Variants in HHAT observed in about 807,000 individuals in gnomAD.
HHAT encodes protein-cysteine N-palmitoyltransferase HHAT.
Under a neutral mutation model 70.8 loss-of-function variants are expected in HHAT, and 47 were observed. The observed-to-expected ratio is 0.66, with a 90% CI of 0.53 to 0.85. HHAT has a LOEUF of 0.85. Among genes scored for constraint, HHAT ranks in the 40% least tolerant of loss-of-function variants. The pLI is 0.00. For missense variants in HHAT, 609 were observed against 604.8 expected, an observed-to-expected ratio of 1.01 and a Z score of -0.07; for synonymous variants, 228 against 247.6, an observed-to-expected ratio of 0.92 and a Z score of 0.74.
At chr1:210,529,589 A>G (rs1025841134) in intron 9 of HHAT, among the ~76,000 whole-genome samples, 9 of 152,304 alleles carry the variant, frequency 5.9e-5, no homozygotes, top group African/African-American at 1.9e-4. Flanking sequence ...CCTTGCAGCT[A>G]CTACCCCAGT....
At chr1:210,672,180 C>G (rs1680221776) in intron 11 of HHAT, among the ~76,000 whole-genome samples, 1 of 152,194 alleles carries the variant, frequency 6.6e-6, no homozygotes, top group African/African-American at 2.4e-5. Flanking sequence ...AGTGGCAGAG[C>G]CAGAATTTGA....
chr1:210,532,571 C>T (rs1573087373), intron 9 of HHAT, among the ~76,000 whole-genome samples: 1 of 152,190 alleles, frequency 6.6e-6, no homozygotes, highest in East Asian at 1.9e-4. Flanking sequence ...TTGACTAAAG[C>T]AGGCAAATTC....
intron 7 of HHAT, among the ~76,000 whole-genome samples, chr1:210,456,478 G>C (rs1053213830): frequency 8.5e-5 from 13 of 152,202 alleles, no homozygotes; most frequent in Non-Finnish European, 1.3e-4. Context: ...TACCGGATGT[G>C]CATGGCCTTG....
At chr1:210,448,434 A>T (rs547581159) in intron 7 of HHAT, among the ~76,000 whole-genome samples, 1 of 152,314 alleles carries the variant, frequency 6.6e-6, no homozygotes, top group African/African-American at 2.4e-5. Flanking sequence ...ATGAGGGTTT[A>T]TCAGTCTTAG....
intron 6 of HHAT, 114 bp from the exon 7 acceptor site, chr1:210,418,040 C>G (rs1211527975): frequency 2.0e-6 from 2 of 986,720 alleles, no homozygotes; most frequent in African/African-American, 3.2e-5. Context: ...CAAACCAACC[C>G]TCTGTCAGCT....
chr1:210,547,635 C>T (rs987280180), intron 9 of HHAT, among the ~76,000 whole-genome samples: 4 of 152,126 alleles, frequency 2.6e-5, no homozygotes, highest in African/African-American at 7.2e-5. Context: ...TATTGGACAC[C>T]ATTTTGTGCA....
At chr1:210,563,200 T>C (rs2095640265) in intron 9 of HHAT, among the ~76,000 whole-genome samples, 2 of 152,148 alleles carry the variant, frequency 1.3e-5, no homozygotes, top group Non-Finnish European at 2.9e-5. Flanking sequence ...GTACTGGGCA[T>C]GTGGGATATA....
chr1:210,448,036 C>A (rs1359760566), intron 7 of HHAT, among the ~76,000 whole-genome samples: 1 of 151,408 alleles, frequency 6.6e-6, no homozygotes, highest in Non-Finnish European at 1.5e-5. Context: ...TTTCCATCTG[C>A]AATGTGGTGA....
intron 9 of HHAT, among the ~76,000 whole-genome samples, chr1:210,557,347 C>T (rs1221942599): frequency 6.6e-6 from 1 of 152,218 alleles, no homozygotes; most frequent in African/African-American, 2.4e-5. Flanking sequence ...CCAATCCCCT[C>T]CACTGCTTTC....
chr1:210,445,535 C>T (rs1279940032), intron 7 of HHAT, among the ~76,000 whole-genome samples: 1 of 152,040 alleles, frequency 6.6e-6, no homozygotes, highest in Non-Finnish European at 1.5e-5. Flanking sequence ...TAAAATTTTG[C>T]CTCATTATAA....
At position 210,674,451 on chromosome 1, in the gene HHAT, C is replaced by T; in HGVS notation, c.*72C>T. The T allele has an allele frequency of 8.6e-7, 1 of 1,164,588 alleles. No individual in the cohort carries two copies. Among genetic ancestry groups the T allele is most frequent in the Non-Finnish European group, 1.3e-6 (1 of 783,778 alleles). The allele number at this position is 1,164,588 out of a possible 1,614,324, so 72.1% of individuals were successfully genotyped here. On this transcript the variant is annotated 3_prime_UTR_variant, in exon 12 of 12. Transcript: ENST00000261458. The stretch of plus-strand genomic sequence containing the variant: ...TAGTGCTTCACCCTGACCTCTCACT[C>T]CAGGACAGCCTCTAAGGGATTTGAT...
chr1:210,414,649 A>C (rs1415583726), intron 6 of HHAT, among the ~76,000 whole-genome samples: 5 of 152,164 alleles, frequency 3.3e-5, no homozygotes, highest in Admixed American at 1.3e-4. Context: ...TCTTGAGTAC[A>C]TTTGCCTCTC....
Position 210,375,011 on chromosome 1 carries a change from A to G in HHAT, c.159+12092A>G, listed in dbSNP as rs906761458. ...CCTGATGGTTAGCTCCCCAGTGGGGAATCTTCCATAGTGAACTCAAACCCA... is the reference window on the plus strand; with the variant it reads ...CCTGATGGTTAGCTCCCCAGTGGGGGATCTTCCATAGTGAACTCAAACCCA... On this transcript the variant is annotated intron_variant, in intron 3 of 11. Coordinates refer to ENST00000261458, the MANE Select transcript of HHAT (RefSeq NM_018194.6). 2.6e-5 allele frequency among the ~76,000 whole-genome samples: 4 copies of G among 152,332 alleles called. No homozygotes were observed. The East Asian group carries it at 7.7e-4, about 29-fold the overall frequency.
At chr1:210,475,379 T>G (rs1431391742) in intron 8 of HHAT, among the ~76,000 whole-genome samples, 1 of 152,212 alleles carries the variant, frequency 6.6e-6, no homozygotes, top group Admixed American at 6.5e-5. Context: ...AGCCTCCTCC[T>G]TCACTCTGCC....
chr1:210,397,767 C>G (rs2091872329), intron 4 of HHAT, among the ~76,000 whole-genome samples: 1 of 152,150 alleles, frequency 6.6e-6, no homozygotes, highest in South Asian at 2.1e-4. Flanking sequence ...TTCTGCTGCC[C>G]AAAGAAGCAG....
chr1:210,509,589 G>A (rs2094919910), intron 8 of HHAT, among the ~76,000 whole-genome samples: 1 of 152,108 alleles, frequency 6.6e-6, no homozygotes, highest in Non-Finnish European at 1.5e-5. Context: ...TACCTCATAG[G>A]GTTATTGCAA....
intron 1 of HHAT, 78 bp from the exon 2 acceptor site, chr1:210,348,855 T>C: frequency 7.1e-7 from 1 of 1,404,494 alleles, no homozygotes. Flanking sequence ...TCCGGGAGTG[T>C]GAACTAACTG....
intron 6 of HHAT, among the ~76,000 whole-genome samples, chr1:210,412,564 T>C (rs1020289656): frequency 6.6e-6 from 1 of 151,860 alleles, no homozygotes; most frequent in Non-Finnish European, 1.5e-5. Context: ...AAGAAAGGAG[T>C]AAAAGCTCCT....
At chr1:210,673,412 TCA>T (rs1457623040) in intron 11 of HHAT, among the ~76,000 whole-genome samples, 2 of 151,768 alleles carry the variant, frequency 1.3e-5, no homozygotes, top group African/African-American at 4.8e-5. Flanking sequence ...TGTCCATGAA[TCA>T]CACAATATTA....
Sources: gnomAD v4.1 joint callset for allele counts (sites outside exome capture counted in the v4.1 genomes callset) on GRCh38, gnomAD v4.1.1 for gene constraint, MANE v1.5 for transcripts, NCBI Gene and HGNC (gene_info 2026-07-23, HGNC 2026-07-21) for gene names.